The following PPP2R5A variants were observed in gnomAD, a reference collection of about 807,000 sequenced individuals.
PPP2R5A encodes the protein protein phosphatase 2 regulatory subunit B'alpha.
Under a neutral mutation model 64.2 loss-of-function variants are expected in PPP2R5A, and 25 were observed. The ratio of observed to expected loss-of-function variants is 0.39; its 90% confidence interval spans 0.28 to 0.54. The LOEUF is 0.54. Among genes scored for constraint, PPP2R5A ranks in the 20% least tolerant of loss-of-function variants. The probability of loss-of-function intolerance (pLI) is 0.67; values close to 1 mark genes in which losing one functional copy is unlikely to be tolerated. For missense variants in PPP2R5A, 425 were observed against 576.3 expected (o/e 0.74, Z 2.69); for synonymous variants, 198 against 201.2 (o/e 0.98, Z 0.13).
intron 1 of PPP2R5A, among the ~76,000 whole-genome samples, chr1:212,303,605 T>C (rs773161562): frequency 6.6e-6 from 1 of 152,208 alleles, no homozygotes; most frequent in Non-Finnish European, 1.5e-5. Context: ...TTTCTAAGGA[T>C]CCTTTCCCAG....
chr1:212,299,462 G>A (rs1218609229), intron 1 of PPP2R5A: 2 of 152,150 alleles, frequency 1.3e-5, no homozygotes, highest in African/African-American at 2.4e-5. Flanking sequence ...TTTACACAAA[G>A]TTTTTGAAAA....
At chr1:212,312,640 AAACC>A (rs1181276277) in intron 1 of PPP2R5A, among the ~76,000 whole-genome samples, 10 of 152,196 alleles carry the variant, frequency 6.6e-5, no homozygotes, top group Non-Finnish European at 1.5e-4. Flanking sequence ...ATAAATCTGA[AAACC>A]TAAGAGGAGA....
At chr1:212,301,504 C>T (rs1441408860) in intron 1 of PPP2R5A, among the ~76,000 whole-genome samples, 1 of 152,066 alleles carries the variant, frequency 6.6e-6, no homozygotes, top group Non-Finnish European at 1.5e-5. Context: ...TTCTAATTTC[C>T]TGAAATACGA....
intron 1 of PPP2R5A, among the ~76,000 whole-genome samples, chr1:212,305,696 G>A (rs964666987): frequency 2.6e-5 from 4 of 151,926 alleles, no homozygotes; most frequent in African/African-American, 9.7e-5. Flanking sequence ...CTTTGTTTCT[G>A]TCAGTTTTTC....
At chr1:212,300,354 A>G (rs1658777143) in intron 1 of PPP2R5A, among the ~76,000 whole-genome samples, 1 of 152,244 alleles carries the variant, frequency 6.6e-6, no homozygotes, top group Non-Finnish European at 1.5e-5. Context: ...GCTGTGAGTC[A>G]TCAGCGAATC....
intron 1 of PPP2R5A, among the ~76,000 whole-genome samples, chr1:212,295,311 G>A (rs768279695): frequency 1.3e-4 from 20 of 152,116 alleles, no homozygotes; most frequent in Non-Finnish European, 2.6e-4. Context: ...TTTCTAACTT[G>A]GGCAACTGGA....
At chr1:212,343,402 TC>T (rs1659720233) in intron 4 of PPP2R5A, among the ~76,000 whole-genome samples, 1 of 152,194 alleles carries the variant, frequency 6.6e-6, no homozygotes, top group Non-Finnish European at 1.5e-5. Context: ...CAAGGACCTT[TC>T]CTACCCTTCA....
At chr1:212,341,058 C>A (rs1008979441) in intron 3 of PPP2R5A, among the ~76,000 whole-genome samples, 1 of 152,130 alleles carries the variant, frequency 6.6e-6, no homozygotes, top group Middle Eastern at 3.4e-3. Context: ...TAATAAGATA[C>A]ATTTTGGGCT....
intron 1 of PPP2R5A, among the ~76,000 whole-genome samples, chr1:212,288,953 G>C (rs1033916969): frequency 1.3e-5 from 2 of 152,220 alleles, no homozygotes; most frequent in Non-Finnish European, 2.9e-5. Flanking sequence ...AAATAATCCA[G>C]CCTTTTCACC....
chr1:212,335,222 G>A (rs890053694), intron 3 of PPP2R5A, among the ~76,000 whole-genome samples: 15 of 152,070 alleles, frequency 9.9e-5, no homozygotes, highest in Non-Finnish European at 1.9e-4. Context: ...GCTCACACCT[G>A]TAATCCCAGC....
intron 3 of PPP2R5A, among the ~76,000 whole-genome samples, chr1:212,334,931 AT>A: frequency 6.6e-6 from 1 of 152,076 alleles, no homozygotes; most frequent in African/African-American, 2.4e-5. Context: ...GTAAACTAAT[AT>A]TTTTCATAAT....
intron 1 of PPP2R5A, among the ~76,000 whole-genome samples, chr1:212,308,861 A>G (rs1018995830): frequency 6.6e-6 from 1 of 151,656 alleles, no homozygotes; most frequent in East Asian, 1.9e-4. Flanking sequence ...TCGTCTCCTC[A>G]TGGGTCCCTT....
intron 8 of PPP2R5A, among the ~76,000 whole-genome samples, chr1:212,354,538 G>A (rs770541853): frequency 3.3e-5 from 5 of 151,948 alleles, no homozygotes; most frequent in Admixed American, 6.6e-5. Context: ...ATTAAAATTA[G>A]CCAGATGTGG....
At chr1:212,334,362 T>A (rs1293385837) in intron 3 of PPP2R5A, among the ~76,000 whole-genome samples, 2 of 152,142 alleles carry the variant, frequency 1.3e-5, no homozygotes, top group Non-Finnish European at 2.9e-5. Flanking sequence ...TGGCATGATC[T>A]CAGCTCACTG....
intron 1 of PPP2R5A, among the ~76,000 whole-genome samples, chr1:212,320,938 G>A (rs1659270587): frequency 9.2e-6 from 1 of 108,152 alleles, no homozygotes; most frequent in Non-Finnish European, 2.0e-5. Context: ...CGGGCGGGGG[G>A]CTGACCCCCC....
chr1:212,308,897 C>A (rs1658970967), intron 1 of PPP2R5A, among the ~76,000 whole-genome samples: 1 of 151,984 alleles, frequency 6.6e-6, no homozygotes, highest in African/African-American at 2.4e-5. Flanking sequence ...TTATGTTTTT[C>A]AACTCCAGGA....
intron 1 of PPP2R5A, among the ~76,000 whole-genome samples, chr1:212,305,644 G>T (rs559826856): frequency 6.6e-6 from 1 of 151,996 alleles, no homozygotes; most frequent in Non-Finnish European, 1.5e-5. Context: ...GTGGGGTGTT[G>T]AAGGCTTCAA....
intron 2 of PPP2R5A, among the ~76,000 whole-genome samples, chr1:212,333,159 T>C (rs1659535280): frequency 6.6e-6 from 1 of 152,166 alleles, no homozygotes; most frequent in Admixed American, 6.6e-5. Flanking sequence ...CCCCTCGGCC[T>C]CCCAAAGTGC....
At chr1:212,293,945 C>G (rs1014112711) in intron 1 of PPP2R5A, among the ~76,000 whole-genome samples, 2 of 152,016 alleles carry the variant, frequency 1.3e-5, no homozygotes, top group African/African-American at 4.8e-5. Context: ...GAGAAGTTTT[C>G]TTTAAGGTAG....
Sources: gnomAD v4.1 joint callset for allele counts (sites outside exome capture counted in the v4.1 genomes callset) on GRCh38, gnomAD v4.1.1 for gene constraint, MANE v1.5 for transcripts, NCBI Gene and HGNC (gene_info 2026-07-23, HGNC 2026-07-21) for gene names.